PLCB1: variants seen among roughly 807,000 people sequenced by gnomAD.
PLCB1 encodes phospholipase C beta 1.
PLCB1 carries 46 observed loss-of-function variants against 161.8 expected under a neutral mutation model. That is an observed-to-expected ratio of 0.28 (90% CI 0.22 to 0.36). PLCB1 has a LOEUF of 0.36. PLCB1 is among the 10% of genes least tolerant of loss of function. The probability of loss-of-function intolerance (pLI) is 1.00; values close to 1 mark genes in which losing one functional copy is unlikely to be tolerated. For missense variants in PLCB1, 1,016 were observed against 1,472.5 expected (o/e 0.69, Z 5.07); for synonymous variants, 517 against 503.7 (o/e 1.03, Z -0.35).
intron 2 of PLCB1, among the ~76,000 whole-genome samples, chr20:8,346,242 C>T (rs1289655137): frequency 1.3e-5 from 2 of 152,196 alleles, no homozygotes; most frequent in African/African-American, 2.4e-5. Context: ...TTTTCTCTCC[C>T]TCCATTTTTG....
At chr20:8,272,706 C>T (rs1410498575) in intron 2 of PLCB1, among the ~76,000 whole-genome samples, 3 of 152,244 alleles carry the variant, frequency 2.0e-5, no homozygotes, top group South Asian at 2.1e-4. Context: ...GAAATGTCCT[C>T]GCACCAAATT....
chr20:8,488,548 G>C (rs1982822033), intron 3 of PLCB1, among the ~76,000 whole-genome samples: 1 of 152,070 alleles, frequency 6.6e-6, no homozygotes, highest in African/African-American at 2.4e-5. Flanking sequence ...CTTACTTAAA[G>C]ACTCATGCGT....
At chr20:8,170,432 T>A (rs906827288) in intron 2 of PLCB1, among the ~76,000 whole-genome samples, 7 of 151,952 alleles carry the variant, frequency 4.6e-5, no homozygotes, top group African/African-American at 1.7e-4. Context: ...AGTGGGAGAA[T>A]CAGAATAGAA....
intron 19 of PLCB1, among the ~76,000 whole-genome samples, chr20:8,733,919 A>C (rs1980430185): frequency 6.7e-6 from 1 of 149,328 alleles, no homozygotes; most frequent in South Asian, 2.1e-4. Flanking sequence ...CAGGAGATCG[A>C]GACCATCCTG....
At chr20:8,768,250 CT>C (rs915302793) in intron 26 of PLCB1, among the ~76,000 whole-genome samples, 5 of 149,570 alleles carry the variant, frequency 3.3e-5, no homozygotes, top group Middle Eastern at 3.4e-3. Context: ...GGGGAAGAAA[CT>C]TTTTTTTTTG....
intron 9 of PLCB1, among the ~76,000 whole-genome samples, chr20:8,678,399 C>G (rs1202258990): frequency 6.6e-6 from 1 of 151,980 alleles, no homozygotes; most frequent in East Asian, 1.9e-4. Flanking sequence ...GCAATACATG[C>G]GTATTATTTT....
At chr20:8,617,411 G>T (rs1046957860) in intron 3 of PLCB1, among the ~76,000 whole-genome samples, 4 of 152,026 alleles carry the variant, frequency 2.6e-5, no homozygotes, top group African/African-American at 9.7e-5. Context: ...TTATAGTCTT[G>T]TAGCTCTATG....
intron 2 of PLCB1, among the ~76,000 whole-genome samples, chr20:8,325,119 C>A (rs999524583): frequency 6.6e-6 from 1 of 152,090 alleles, no homozygotes; most frequent in African/African-American, 2.4e-5. Flanking sequence ...ACAGGTGAGG[C>A]AGAAAAGAAA....
chr20:8,308,937 A>T (rs1984260774), intron 2 of PLCB1, among the ~76,000 whole-genome samples: 2 of 152,100 alleles, frequency 1.3e-5, no homozygotes, highest in African/African-American at 4.8e-5. Context: ...TTTAATATTT[A>T]AAAAATCTCA....
intron 3 of PLCB1, among the ~76,000 whole-genome samples, chr20:8,450,082 C>A (rs1029276061): frequency 6.6e-6 from 1 of 152,130 alleles, no homozygotes; most frequent in Non-Finnish European, 1.5e-5. Flanking sequence ...ATTAGCATGA[C>A]CCCGTTGAAG....
At chr20:8,601,091 G>T (rs113233508) in intron 3 of PLCB1, among the ~76,000 whole-genome samples, 4 of 152,168 alleles carry the variant, frequency 2.6e-5, no homozygotes, top group Admixed American at 6.5e-5. Context: ...GCTGTAGACC[G>T]GAGCTGTTCC....
chr20:8,449,517 G>A (rs1021642596), intron 3 of PLCB1, among the ~76,000 whole-genome samples: 4 of 152,190 alleles, frequency 2.6e-5, no homozygotes, highest in African/African-American at 9.7e-5. Flanking sequence ...AATTAAGAGA[G>A]AATAATATAC....
intron 3 of PLCB1, among the ~76,000 whole-genome samples, chr20:8,540,841 T>C (rs926945363): frequency 6.6e-6 from 1 of 152,174 alleles, no homozygotes; most frequent in Middle Eastern, 3.2e-3. Flanking sequence ...TCTTGACTCC[T>C]GAAAATACAA....
At chr20:8,528,141 T>C (rs73593777) in intron 3 of PLCB1, among the ~76,000 whole-genome samples, 22,236 of 152,016 alleles carry the variant, frequency 0.15, 2,198 homozygotes, top group African/African-American at 0.28. Flanking sequence ...TTTGGCAGTG[T>C]CTTATAAAAC....
intron 24 of PLCB1, among the ~76,000 whole-genome samples, chr20:8,760,206 A>G (rs1981948910): frequency 6.6e-6 from 1 of 152,072 alleles, no homozygotes; most frequent in African/African-American, 2.4e-5. Context: ...CACCTGGCCT[A>G]ATGTTACATT....
chr20:8,400,063 T>C (rs1600375090), intron 3 of PLCB1, among the ~76,000 whole-genome samples: 1 of 152,128 alleles, frequency 6.6e-6, no homozygotes, highest in East Asian at 1.9e-4. Flanking sequence ...AGTCTATCAT[T>C]TTTATGGAAT....
At chr20:8,244,501 C>T (rs6039107) in intron 2 of PLCB1, among the ~76,000 whole-genome samples, 9,386 of 151,862 alleles carry the variant, frequency 0.062, 405 homozygotes, top group Middle Eastern at 0.12. Flanking sequence ...AATATGATTC[C>T]TTGTATATGA....
chr20:8,747,021 G>T (rs1393741068), intron 23 of PLCB1, among the ~76,000 whole-genome samples: 1 of 152,162 alleles, frequency 6.6e-6, no homozygotes, highest in Non-Finnish European at 1.5e-5. Context: ...CACTACCTCT[G>T]TAACAAAGCT....
intron 2 of PLCB1, among the ~76,000 whole-genome samples, chr20:8,333,834 AG>A (rs2122200763): frequency 6.6e-6 from 1 of 152,324 alleles, no homozygotes; most frequent in East Asian, 1.9e-4. Flanking sequence ...TATATCATTC[AG>A]GGCACATATT....
Sources: allele counts gnomAD v4.1 joint callset (sites outside exome capture counted in the v4.1 genomes callset), GRCh38; gene constraint gnomAD v4.1.1; transcripts MANE v1.5; gene names NCBI Gene and HGNC (gene_info 2026-07-23, HGNC 2026-07-21).